RCAN2: variants seen among roughly 807,000 people sequenced by gnomAD.
The protein encoded by RCAN2 is calcipressin-2.
Under a neutral mutation model 23.6 loss-of-function variants are expected in RCAN2, and 9 were observed. That is an observed-to-expected ratio of 0.38 (90% CI 0.23 to 0.67). RCAN2 has a LOEUF of 0.67. Among genes scored for constraint, RCAN2 ranks in the 30% least tolerant of loss-of-function variants. RCAN2 has a pLI of 0.51. For synonymous variants in RCAN2, 109 were observed against 115.7 expected, an observed-to-expected ratio of 0.94 and a Z score of 0.37; for missense variants, 273 against 302.3, an observed-to-expected ratio of 0.90 and a Z score of 0.72.
intron 1 of RCAN2, 40 bp from the exon 2 acceptor site, chr6:46,457,018 A>T: frequency 7.0e-7 from 1 of 1,430,142 alleles, no homozygotes; most frequent in Non-Finnish European, 9.6e-7. Flanking sequence ...TGCAGAACAA[A>T]TTCCTTAAAA....
At chr6:46,317,767 T>C (rs1763489606) in intron 2 of RCAN2, among the ~76,000 whole-genome samples, 1 of 152,230 alleles carries the variant, frequency 6.6e-6, no homozygotes, top group African/African-American at 2.4e-5. Context: ...GCCCGGCCTA[T>C]ACCCCAATAA....
At chr6:46,399,678 G>A (rs1325553057) in intron 2 of RCAN2, among the ~76,000 whole-genome samples, 1 of 151,670 alleles carries the variant, frequency 6.6e-6, no homozygotes, top group African/African-American at 2.4e-5. Context: ...TCCACTCCTG[G>A]CTTCTAGATG....
chr6:46,491,039 C>T (rs1354609212), intron 1 of RCAN2, 134 bp downstream of exon 1: 3 of 150,396 alleles, frequency 2.0e-5, no homozygotes, highest in Admixed American at 6.6e-5. Context: ...CCGCCCCCGC[C>T]CCCGCCCTGC....
At chr6:46,403,490 T>A (rs1766317319) in intron 2 of RCAN2, among the ~76,000 whole-genome samples, 1 of 151,592 alleles carries the variant, frequency 6.6e-6, no homozygotes, top group African/African-American at 2.4e-5. Flanking sequence ...GAGAATTGCT[T>A]GAACCTGGGA....
At chr6:46,390,291 CCT>C (rs1232601353) in intron 2 of RCAN2, among the ~76,000 whole-genome samples, 2 of 152,134 alleles carry the variant, frequency 1.3e-5, no homozygotes, top group Non-Finnish European at 2.9e-5. Flanking sequence ...CCAAGTTCCC[CCT>C]GACAACTTTG....
intron 4 of RCAN2, among the ~76,000 whole-genome samples, chr6:46,244,664 G>A (rs1451185692): frequency 1.3e-5 from 2 of 152,230 alleles, no homozygotes; most frequent in African/African-American, 4.8e-5. Context: ...TTTCTAAATA[G>A]TGAAGTAGGA....
chr6:46,325,285 CTA>C, intron 2 of RCAN2: 2 of 1,225,786 alleles, frequency 1.6e-6, no homozygotes, highest in South Asian at 2.9e-5. Flanking sequence ...CTAGCGCAGA[CTA>C]TGAGCTGAAA....
chr6:46,243,392 C>T (rs1247684066), intron 4 of RCAN2, among the ~76,000 whole-genome samples: 1 of 152,154 alleles, frequency 6.6e-6, no homozygotes, highest in Admixed American at 6.5e-5. Flanking sequence ...GACACAATAT[C>T]AGTCATACTT....
intron 1 of RCAN2, among the ~76,000 whole-genome samples, chr6:46,464,011 G>A (rs1286962770): frequency 6.6e-6 from 1 of 152,100 alleles, no homozygotes; most frequent in African/African-American, 2.4e-5. Context: ...AGAATAAATG[G>A]AAATGATTAA....
At chr6:46,380,981 G>A (rs1012522518) in intron 2 of RCAN2, among the ~76,000 whole-genome samples, 9 of 152,152 alleles carry the variant, frequency 5.9e-5, no homozygotes. Context: ...TGCTACATCT[G>A]TGCCTGGAAA....
intron 2 of RCAN2, among the ~76,000 whole-genome samples, chr6:46,454,770 C>T (rs1252555966): frequency 6.6e-6 from 1 of 152,216 alleles, no homozygotes; most frequent in East Asian, 1.9e-4. Context: ...TTCGTATACA[C>T]ATTAGATGAG....
intron 4 of RCAN2, among the ~76,000 whole-genome samples, chr6:46,233,919 G>C (rs976682167): frequency 6.6e-6 from 1 of 151,940 alleles, no homozygotes; most frequent in Non-Finnish European, 1.5e-5. Context: ...AGTAGAGACG[G>C]GGTTTCACCA....
intron 2 of RCAN2, among the ~76,000 whole-genome samples, chr6:46,455,825 C>T (rs1180911652): frequency 6.7e-6 from 1 of 149,036 alleles, no homozygotes; most frequent in Non-Finnish European, 1.5e-5. Context: ...CCACTGCACT[C>T]CAGCCTGGGC....
chr6:46,249,326 T>C (rs1360284788), intron 2 of RCAN2, among the ~76,000 whole-genome samples: 2 of 147,688 alleles, frequency 1.4e-5, no homozygotes, highest in African/African-American at 5.0e-5. Context: ...TCTTTTTTTT[T>C]TTTTTTTTTT....
chr6:46,464,819 T>C (rs1768326093), intron 1 of RCAN2, among the ~76,000 whole-genome samples: 2 of 152,082 alleles, frequency 1.3e-5, no homozygotes, highest in African/African-American at 4.8e-5. Flanking sequence ...GGACACCTTC[T>C]GGAGCCACTG....
intron 2 of RCAN2, among the ~76,000 whole-genome samples, chr6:46,377,785 G>A (rs549414329): frequency 2.0e-5 from 3 of 152,160 alleles, no homozygotes; most frequent in Non-Finnish European, 4.4e-5. Context: ...AAAGGGAGGG[G>A]TACTAATTCA....
chr6:46,409,923 G>A (rs1374953446), intron 2 of RCAN2, among the ~76,000 whole-genome samples: 3 of 152,166 alleles, frequency 2.0e-5, no homozygotes, highest in Non-Finnish European at 4.4e-5. Flanking sequence ...GTGGGCTTAG[G>A]AATATCTGCT....
At chr6:46,459,815 A>T (rs1768158751) in intron 1 of RCAN2, among the ~76,000 whole-genome samples, 1 of 152,186 alleles carries the variant, frequency 6.6e-6, no homozygotes, top group South Asian at 2.1e-4. Flanking sequence ...AGTATTAACC[A>T]CTACATAAAA....
chr6:46,243,639 T>C (rs747349132), intron 4 of RCAN2, among the ~76,000 whole-genome samples: 17 of 151,808 alleles, frequency 1.1e-4, no homozygotes, highest in Non-Finnish European at 1.6e-4. Context: ...TGAAACCCCG[T>C]CTGTACTAAA....
Sources: allele counts gnomAD v4.1 joint callset (sites outside exome capture counted in the v4.1 genomes callset), GRCh38; gene constraint gnomAD v4.1.1; transcripts MANE v1.5; gene names NCBI Gene and HGNC (gene_info 2026-07-23, HGNC 2026-07-21).